MYLK: variants seen among roughly 807,000 people sequenced by gnomAD.
MYLK encodes myosin light chain kinase.
A neutral mutation model predicts 203.4 loss-of-function variants in MYLK; 106 were observed. That is an observed-to-expected ratio of 0.52 (90% confidence interval 0.45 to 0.61). The LOEUF (loss-of-function observed/expected upper bound fraction) is 0.61. Ranked by LOEUF, MYLK falls within the 20% of genes least tolerant of loss-of-function variation. The pLI, the probability that MYLK is intolerant of heterozygous loss-of-function variation, is 0.00. For synonymous variants in MYLK, 867 were observed against 959.5 expected (o/e 0.90, Z 1.78); for missense variants, 2,072 against 2,442.3 (o/e 0.85, Z 3.20).
chr3:123,645,684 G>T (rs977211158), intron 27 of MYLK, among the ~76,000 whole-genome samples: 5 of 151,702 alleles, frequency 3.3e-5, no homozygotes, highest in African/African-American at 1.2e-4. Context: ...GGTTACAAAC[G>T]ATGCTTGTTT....
At chr3:123,656,558 T>A (rs540412359) in intron 24 of MYLK, among the ~76,000 whole-genome samples, 5 of 152,234 alleles carry the variant, frequency 3.3e-5, no homozygotes, top group African/African-American at 1.2e-4. Context: ...TAGAATCCTA[T>A]CCCTTTTTCC....
At chr3:123,857,473 A>G (rs2031502369) in intron 2 of MYLK, among the ~76,000 whole-genome samples, 1 of 152,094 alleles carries the variant, frequency 6.6e-6, no homozygotes, top group Non-Finnish European at 1.5e-5. Flanking sequence ...AGCCATAAAA[A>G]ATAATGAGTT....
intron 3 of MYLK, among the ~76,000 whole-genome samples, chr3:123,819,588 A>T (rs1426097596): frequency 6.6e-6 from 1 of 152,234 alleles, no homozygotes; most frequent in Non-Finnish European, 1.5e-5. Context: ...CCTATAGAAA[A>T]GATAGTGGCA....
chr3:123,661,045 C>T (rs992381692), intron 23 of MYLK, among the ~76,000 whole-genome samples: 36 of 152,214 alleles, frequency 2.4e-4, no homozygotes, highest in Admixed American at 1.3e-4. Flanking sequence ...TCCTCCATTC[C>T]ATTCCCCTCC....
chr3:123,763,484 T>C (rs1014917245), intron 4 of MYLK, among the ~76,000 whole-genome samples: 3 of 152,234 alleles, frequency 2.0e-5, no homozygotes, highest in Non-Finnish European at 4.4e-5. Context: ...AATTTTTAGA[T>C]CTGGCATTTC....
At chr3:123,670,381 G>C (rs2059876847) in intron 20 of MYLK, among the ~76,000 whole-genome samples, 6 of 152,150 alleles carry the variant, frequency 3.9e-5, no homozygotes, top group Admixed American at 3.9e-4. Flanking sequence ...GTGAGAATCA[G>C]GGTGATGTTT....
chr3:123,758,601 A>C (rs1396300016), intron 4 of MYLK, among the ~76,000 whole-genome samples: 3 of 152,100 alleles, frequency 2.0e-5, no homozygotes, highest in African/African-American at 2.4e-5. Context: ...GACATCTGCA[A>C]GGCTGAGGAC....
intron 2 of MYLK, among the ~76,000 whole-genome samples, chr3:123,837,617 T>C (rs2682204): frequency 0.83 from 125,711 of 150,760 alleles, 52,543 homozygotes; most frequent in East Asian, 0.95. Context: ...TTAAGTATAG[T>C]CAAAGAGTTG....
intron 2 of MYLK, among the ~76,000 whole-genome samples, chr3:123,865,818 G>A (rs781096733): frequency 1.2e-4 from 19 of 152,038 alleles, no homozygotes; most frequent in Non-Finnish European, 2.4e-4. Context: ...AACAGAGTAC[G>A]GCAAAAAGCA....
intron 20 of MYLK, among the ~76,000 whole-genome samples, chr3:123,679,271 C>T (rs1449293504): frequency 2.0e-5 from 3 of 149,478 alleles, no homozygotes; most frequent in African/African-American, 7.4e-5. Flanking sequence ...CGCGCCACTG[C>T]ACTCCAGCCT....
chr3:123,856,893 C>T (rs2148678623), intron 2 of MYLK, among the ~76,000 whole-genome samples: 1 of 152,086 alleles, frequency 6.6e-6, no homozygotes, highest in East Asian at 1.9e-4. Context: ...TCGCAACCTA[C>T]TCATCTGACA....
Position 123,700,709 on chromosome 3 carries a change from G to C in MYLK, c.2759C>G (p.Ala920Gly), listed in dbSNP as rs748190292. Residue 920 changes from alanine to glycine, a missense_variant, in exon 18 of 34, where the codon GCC becomes GGC. Around this residue, in one of 3 missense-constraint regions of MYLK, gnomAD observed 865 missense variants for 1,016.0 expected, o/e 0.85. Coordinates refer to ENST00000360304, the MANE Select transcript of MYLK (RefSeq NM_053025.4). The stretch of plus-strand genomic sequence containing the variant: ...GTTGGCACGGAAATCCATCTGCTCG[G>C]CTGGGATCTCCTTCAGGTCGTCTTC... The part of the protein sequence containing the change: ...LSEDDLKEIP[A>G]EQMDFRANLQ... 1.9e-6 allele frequency: 3 copies of C among 1,614,004 alleles called. No homozygotes were observed. The highest frequency in any genetic ancestry group is 2.5e-6 in the Non-Finnish European group (3 of 1,180,040).
At chr3:123,767,354 T>C (rs1033245058) in intron 4 of MYLK, among the ~76,000 whole-genome samples, 2 of 152,142 alleles carry the variant, frequency 1.3e-5, no homozygotes, top group African/African-American at 4.8e-5. Context: ...TGCCTGTAAT[T>C]CCAGCACTTT....
chr3:123,754,892 T>C (rs967173356), intron 4 of MYLK, among the ~76,000 whole-genome samples: 4 of 152,194 alleles, frequency 2.6e-5, no homozygotes, highest in African/African-American at 9.7e-5. Context: ...AAAAGAGCCA[T>C]GCAAATAAAT....
At chr3:123,691,944 C>T (rs1560079405) in intron 19 of MYLK, 2 of 152,294 alleles carry the variant, frequency 1.3e-5, no homozygotes, top group Non-Finnish European at 2.9e-5. Flanking sequence ...AATGCATTTC[C>T]TCTCTGGATG....
Position 123,629,621 on chromosome 3 carries a change from C to G in MYLK, c.4967G>C (p.Ser1656Thr). 1 of 1,613,754 alleles carries G rather than the reference C, an allele frequency of 6.2e-7. No individual in the cohort carries two copies. The highest frequency in any genetic ancestry group is 8.5e-7 in the Non-Finnish European group (1 of 1,180,028). The change falls in exon 30 of 34, where the codon AGT becomes ACT. Residue 1656 changes from serine (S) to threonine (T), a missense_variant. Around this residue, in one of 3 missense-constraint regions of MYLK, gnomAD observed 524 missense variants for 782.4 expected, o/e 0.67. Transcript: ENST00000360304. This position sits in a 1 kb window ranked among gnomAD's most constrained non-coding sequence, Gnocchi z 4.4. ...GTCTCCCATGAAGGGGGAAAGGCCA[C>G]TGACTCTGGAGAGACAAGAGCAGGA... is the stretch of plus-strand genomic sequence containing the variant. ...SIGVICYILV[S>T]GLSPFMGDND...
intron 23 of MYLK, among the ~76,000 whole-genome samples, chr3:123,660,114 C>A (rs2059516754): frequency 6.6e-6 from 1 of 152,198 alleles, no homozygotes; most frequent in African/African-American, 2.4e-5. Context: ...ATAATCCTAG[C>A]CCTTGGGAAA....
intron 24 of MYLK, 151 bp downstream of exon 24, chr3:123,656,975 A>G: frequency 1.2e-6 from 1 of 860,204 alleles, no homozygotes; most frequent in South Asian, 1.5e-5. Context: ...GCTCAACATC[A>G]CTGTCTTGGA....
chr3:123,787,987 G>A (rs1177639200), intron 4 of MYLK, among the ~76,000 whole-genome samples: 1 of 152,230 alleles, frequency 6.6e-6, no homozygotes, highest in African/African-American at 2.4e-5. Flanking sequence ...AGGAGACAAG[G>A]CTGGAGGGTG....
Sources: allele counts gnomAD v4.1 joint callset (sites outside exome capture counted in the v4.1 genomes callset), GRCh38; gene constraint gnomAD v4.1.1; regional missense constraint gnomAD v4.1.1; non-coding constraint Gnocchi (gnomAD v3.1); transcripts MANE v1.5; gene names NCBI Gene and HGNC (gene_info 2026-07-23, HGNC 2026-07-21).